The following GALNS variants were observed in gnomAD, a reference collection of about 807,000 sequenced individuals.
GALNS encodes galactosamine (N-acetyl)-6-sulfatase.
Under a neutral mutation model 65.9 loss-of-function variants are expected in GALNS, and 65 were observed. The ratio of observed to expected loss-of-function variants is 0.99; its 90% CI spans 0.81 to 1.21. The LOEUF (loss-of-function observed/expected upper bound fraction) is 1.21, where lower values mean the gene tolerates loss of function less well. Among genes scored for constraint, GALNS ranks in the 50% most tolerant of loss-of-function variants. The pLI, the probability that GALNS is intolerant of heterozygous loss-of-function variation, is 0.00. For synonymous variants in GALNS, 346 were observed against 288.9 expected (o/e 1.20, Z -2.00); for missense variants, 776 against 700.7 (o/e 1.11, Z -1.21).
Position 88,814,442 on chromosome 16 carries a change from G to C in GALNS, c.1566C>G (p.His522Gln), listed in dbSNP as rs1185331443. 1 of 1,559,012 alleles carries C rather than the reference G, an allele frequency of 6.4e-7. No individual in the cohort carries two copies. The highest frequency in any genetic ancestry group is 8.7e-7 in the Non-Finnish European group (1 of 1,151,154). ...ESIPKKCLWS[H>Q] ...CTGGCCTGAGTCTGCGCAGGTGCTA[G>C]TGGGACCAGAGGCACTTCTTGGGAA... The change falls in exon 14 of 14, where the codon CAC becomes CAG. Residue 522 changes from histidine (H) to glutamine (Q), a missense_variant. Transcript: ENST00000268695.
At chr16:88,856,161 G>A (rs1057158496) in intron 1 of GALNS, 9 of 702,780 alleles carry the variant, frequency 1.3e-5, no homozygotes, top group Non-Finnish European at 2.1e-5. Flanking sequence ...TGCCCACCAG[G>A]AGACATTCCA....
intron 9 of GALNS, chr16:88,827,042 G>C (rs927026412): frequency 1.6e-6 from 1 of 632,836 alleles, no homozygotes; most frequent in African/African-American, 1.8e-5. Context: ...AAAGACCCCA[G>C]AGCCAGGCCA....
chr16:88,854,946 G>A (rs753160069), intron 1 of GALNS, among the ~76,000 whole-genome samples: 59 of 152,356 alleles, frequency 3.9e-4, no homozygotes, highest in Middle Eastern at 3.4e-3. Context: ...GGAGGCCACA[G>A]AACAGGTGCC....
At chr16:88,833,716 C>A (rs999274518) in intron 8 of GALNS, among the ~76,000 whole-genome samples, 2 of 152,212 alleles carry the variant, frequency 1.3e-5, no homozygotes, top group Non-Finnish European at 2.9e-5. Context: ...TCCCAAAGTG[C>A]TGGGATTACA....
At chr16:88,842,147 C>G in intron 2 of GALNS, 176 bp from the exon 3 acceptor site, 1 of 699,868 alleles carries the variant, frequency 1.4e-6, no homozygotes, top group Non-Finnish European at 2.6e-6. Context: ...GGGTGGGGCA[C>G]GGCACCCATT....
intron 4 of GALNS, chr16:88,838,406 C>A (rs921702634): frequency 1.3e-5 from 2 of 153,150 alleles, no homozygotes; most frequent in African/African-American, 2.4e-5. Context: ...TGTGGCCACA[C>A]TGGTGACCTC....
chr16:88,850,058 C>T (rs1967434600), intron 1 of GALNS, among the ~76,000 whole-genome samples: 1 of 152,242 alleles, frequency 6.6e-6, no homozygotes, highest in African/African-American at 2.4e-5. Context: ...CCTTGCCCTC[C>T]ACCTCCCCGA....
intron 13 of GALNS, chr16:88,817,552 C>T: frequency 4.1e-6 from 4 of 982,356 alleles, no homozygotes; most frequent in Non-Finnish European, 4.8e-6. Flanking sequence ...CCGGGACCCA[C>T]CGGGCAGTGC....
intron 1 of GALNS, chr16:88,843,772 G>A (rs1447539475): frequency 7.9e-6 from 1 of 126,886 alleles, no homozygotes; most frequent in Non-Finnish European, 1.5e-5. Context: ...CTGGCCTGTG[G>A]TAACGTGTTA....
At chr16:88,827,036 A>C in intron 9 of GALNS, 198 bp from the exon 10 acceptor site, 1 of 645,394 alleles carries the variant, frequency 1.5e-6, no homozygotes, top group Non-Finnish European at 2.7e-6. Flanking sequence ...AGGCCCAAAG[A>C]CCCCAGAGCC....
intron 1 of GALNS, among the ~76,000 whole-genome samples, chr16:88,852,140 C>G (rs1374382019): frequency 6.6e-6 from 1 of 152,186 alleles, no homozygotes; most frequent in Non-Finnish European, 1.5e-5. Flanking sequence ...GGCAGGTGCC[C>G]CTCTGGGACA....
chr16:88,845,987 C>T (rs1224111366), intron 1 of GALNS, among the ~76,000 whole-genome samples: 1 of 152,112 alleles, frequency 6.6e-6, no homozygotes, highest in East Asian at 1.9e-4. Flanking sequence ...GACACTCTCA[C>T]TAAACAAACA....
intron 1 of GALNS, among the ~76,000 whole-genome samples, chr16:88,846,066 T>C (rs1412204176): frequency 6.6e-6 from 1 of 152,190 alleles, no homozygotes; most frequent in African/African-American, 2.4e-5. Flanking sequence ...ATTACAGCTA[T>C]GTATAACCCA....
At chr16:88,825,243 C>G (rs1965672253) in intron 10 of GALNS, among the ~76,000 whole-genome samples, 3 of 106,358 alleles carry the variant, frequency 2.8e-5, no homozygotes, top group Admixed American at 2.8e-4. Context: ...GCTGGGGTGT[C>G]TGGGTGGCCA....
intron 10 of GALNS, among the ~76,000 whole-genome samples, chr16:88,825,269 GGTGTTTGGGC>G: frequency 7.5e-6 from 1 of 134,184 alleles, no homozygotes; most frequent in Admixed American, 7.0e-5. Context: ...GGGGTGCCTG[GGTGTTTGGGC>G]AGCCGGGGCT....
At chr16:88,827,165 C>T (rs746913982) in intron 9 of GALNS, 7 of 456,638 alleles carry the variant, frequency 1.5e-5, no homozygotes, top group East Asian at 1.2e-4. Flanking sequence ...GGATCAGCCT[C>T]GCTCTAACAC....
At chr16:88,815,787 G>A in intron 13 of GALNS, 1 of 985,442 alleles carries the variant, frequency 1.0e-6, no homozygotes, top group South Asian at 4.7e-5. Context: ...GAGCAGGAGT[G>A]GGTTTGGGTG....
intron 1 of GALNS, among the ~76,000 whole-genome samples, chr16:88,848,700 A>C (rs567553092): frequency 6.6e-6 from 1 of 152,302 alleles, no homozygotes; most frequent in East Asian, 1.9e-4. Flanking sequence ...AAGAAGCAGC[A>C]GCCTCGGGGC....
rs143875431 is a variant in GALNS, at chr16:88,836,526, C to T, written c.567-259G>A. On this transcript the variant is annotated intron_variant, in intron 5 of 13. Coordinates refer to ENST00000268695, the MANE Select transcript of GALNS (RefSeq NM_000512.5). ...AAAATTAGCTGGGCGTGGTGGCGCACGCCTGTAATCCCAGCTACTTGAGAG... is the reference window on the plus strand; with the variant it reads ...AAAATTAGCTGGGCGTGGTGGCGCATGCCTGTAATCCCAGCTACTTGAGAG... Among the ~76,000 whole-genome samples, 5,047 of 152,170 alleles carry T rather than the reference C, an allele frequency of 0.033. 129 individuals are homozygous for T. The highest frequency in any genetic ancestry group is 0.083 in the South Asian group (398 of 4,818).
Sources: allele counts gnomAD v4.1 joint callset (sites outside exome capture counted in the v4.1 genomes callset), GRCh38; gene constraint gnomAD v4.1.1; transcripts MANE v1.5; gene names NCBI Gene and HGNC (gene_info 2026-07-23, HGNC 2026-07-21).